The following LRRTM4 variants were observed in gnomAD, a reference collection of about 807,000 sequenced individuals.
LRRTM4 encodes the protein leucine rich repeat transmembrane neuronal 4, also known as leucine-rich repeat transmembrane neuronal protein 4.
Under a neutral mutation model 47.6 loss-of-function variants are expected in LRRTM4, and 25 were observed. That is an observed-to-expected ratio of 0.53 (90% CI 0.38 to 0.73). The LOEUF (loss-of-function observed/expected upper bound fraction) is 0.73. LRRTM4 is among the 30% of genes least tolerant of loss of function. LRRTM4 has a pLI of 0.00. For synonymous variants in LRRTM4, 311 were observed against 269.5 expected, an observed-to-expected ratio of 1.15 and a Z score of -1.51; for missense variants, 638 against 713.4, an observed-to-expected ratio of 0.89 and a Z score of 1.20.
chr2:77,090,866 C>A (rs62172160), intron 3 of LRRTM4, among the ~76,000 whole-genome samples: 8,366 of 151,796 alleles, frequency 0.055, 375 homozygotes, highest in Admixed American at 0.13. Flanking sequence ...ATTGCCTCGG[C>A]AGCCCCCTAG....
At chr2:77,013,747 C>T (rs1677958394) in intron 3 of LRRTM4, among the ~76,000 whole-genome samples, 1 of 152,096 alleles carries the variant, frequency 6.6e-6, no homozygotes, top group Non-Finnish European at 1.5e-5. Context: ...GAAGCAAAAT[C>T]CTGTGTAAAG....
chr2:76,832,471 T>C (rs2103899580), intron 3 of LRRTM4, among the ~76,000 whole-genome samples: 1 of 149,612 alleles, frequency 6.7e-6, no homozygotes, highest in East Asian at 2.0e-4. Context: ...TTTTTTTTTT[T>C]TTTTTTGTCT....
chr2:76,787,412 A>G (rs56311006), intron 3 of LRRTM4, among the ~76,000 whole-genome samples: 1,733 of 152,156 alleles, frequency 0.011, 21 homozygotes, highest in Non-Finnish European at 0.018. Flanking sequence ...TTGTGTTCTG[A>G]TACTTTATAC....
At chr2:77,120,330 A>C (rs1349037460) in intron 3 of LRRTM4, among the ~76,000 whole-genome samples, 1 of 151,786 alleles carries the variant, frequency 6.6e-6, no homozygotes, top group Non-Finnish European at 1.5e-5. Flanking sequence ...GATTTAGAAA[A>C]TTATCACATA....
intron 3 of LRRTM4, among the ~76,000 whole-genome samples, chr2:77,099,680 T>C (rs980251156): frequency 6.6e-6 from 1 of 151,932 alleles, no homozygotes; most frequent in Non-Finnish European, 1.5e-5. Context: ...TGTTAAGTAA[T>C]AGGGAGAACA....
At chr2:77,049,523 T>C (rs566378957) in intron 3 of LRRTM4, among the ~76,000 whole-genome samples, 9 of 152,122 alleles carry the variant, frequency 5.9e-5, no homozygotes, top group Non-Finnish European at 7.4e-5. Flanking sequence ...CTGATTTTGA[T>C]TGGTATTTCT....
chr2:77,269,952 G>A (rs1676148739), intron 3 of LRRTM4, among the ~76,000 whole-genome samples: 1 of 152,162 alleles, frequency 6.6e-6, no homozygotes, highest in Admixed American at 6.5e-5. Context: ...CTTTCATGGA[G>A]GACCATGCTT....
At chr2:77,007,769 A>G (rs1292095148) in intron 3 of LRRTM4, among the ~76,000 whole-genome samples, 1 of 152,164 alleles carries the variant, frequency 6.6e-6, no homozygotes, top group Non-Finnish European at 1.5e-5. Context: ...ATTCGGCTTT[A>G]GAGAGAGAGT....
chr2:77,124,418 C>A (rs937272916), intron 3 of LRRTM4, among the ~76,000 whole-genome samples: 1 of 152,040 alleles, frequency 6.6e-6, no homozygotes, highest in Non-Finnish European at 1.5e-5. Flanking sequence ...TTTTAGCCCC[C>A]CTCCCGCCAA....
intron 3 of LRRTM4, among the ~76,000 whole-genome samples, chr2:77,154,943 T>C (rs1377432236): frequency 6.6e-6 from 1 of 152,126 alleles, no homozygotes; most frequent in African/African-American, 2.4e-5. Flanking sequence ...CAGAATGCTG[T>C]CATTAGAATT....
intron 3 of LRRTM4, among the ~76,000 whole-genome samples, chr2:76,843,908 C>CT (rs538704879): frequency 0.09 from 13,106 of 145,116 alleles, 980 homozygotes; most frequent in East Asian, 0.32. Context: ...TTTCTTTTTT[C>CT]ATTTTTTTTT....
chr2:76,961,405 G>GAA (rs75719418), intron 3 of LRRTM4, among the ~76,000 whole-genome samples: 5 of 144,556 alleles, frequency 3.5e-5, no homozygotes, highest in Admixed American at 3.4e-4. Flanking sequence ...ATACATCAAA[G>GAA]AAAAAAAAAA....
intron 3 of LRRTM4, among the ~76,000 whole-genome samples, chr2:77,108,039 A>T (rs1040045203): frequency 2.6e-5 from 4 of 151,962 alleles, no homozygotes; most frequent in African/African-American, 9.7e-5. Flanking sequence ...AAAAAAACTG[A>T]ATTTATTGCA....
intron 3 of LRRTM4, among the ~76,000 whole-genome samples, chr2:77,175,340 T>A (rs1673164799): frequency 6.6e-6 from 1 of 152,056 alleles, no homozygotes; most frequent in African/African-American, 2.4e-5. Context: ...CCTCGTGGCC[T>A]TTGGAACTCC....
intron 3 of LRRTM4, among the ~76,000 whole-genome samples, chr2:77,324,546 C>T (rs571900813): frequency 1.3e-5 from 2 of 152,194 alleles, no homozygotes; most frequent in African/African-American, 2.4e-5. Flanking sequence ...AGAAGGACAA[C>T]AGCATTCACA....
chr2:77,134,878 C>T (rs377526503), intron 3 of LRRTM4, among the ~76,000 whole-genome samples: 142 of 152,254 alleles, frequency 9.3e-4, no homozygotes, highest in African/African-American at 3.1e-3. Flanking sequence ...CTATGCTCAG[C>T]TTCCAATGAA....
At chr2:76,975,810 T>C (rs930014184) in intron 3 of LRRTM4, among the ~76,000 whole-genome samples, 1 of 151,692 alleles carries the variant, frequency 6.6e-6, no homozygotes, top group Non-Finnish European at 1.5e-5. Flanking sequence ...ATCAGTGTCT[T>C]ATACTCTCTT....
At chr2:76,828,380 G>A (rs1671244330) in intron 3 of LRRTM4, among the ~76,000 whole-genome samples, 2 of 151,892 alleles carry the variant, frequency 1.3e-5, no homozygotes, top group South Asian at 4.1e-4. Flanking sequence ...AATATGAAGT[G>A]GAAGCAATAT....
intron 3 of LRRTM4, among the ~76,000 whole-genome samples, chr2:76,790,342 G>T (rs925890973): frequency 6.6e-6 from 1 of 152,000 alleles, no homozygotes; most frequent in Non-Finnish European, 1.5e-5. Flanking sequence ...TCTGAATAAA[G>T]AAAGAAACAT....
Sources: gnomAD v4.1 joint callset for allele counts (sites outside exome capture counted in the v4.1 genomes callset) on GRCh38, gnomAD v4.1.1 for gene constraint, MANE v1.5 for transcripts, NCBI Gene and HGNC (gene_info 2026-07-23, HGNC 2026-07-21) for gene names.